The following XIRP2 variants were observed in gnomAD, a reference collection of about 807,000 sequenced individuals.
The protein encoded by XIRP2 is xin actin binding repeat containing 2.
A neutral mutation model predicts 277.0 loss-of-function variants in XIRP2; 236 were observed. The ratio of observed to expected loss-of-function variants is 0.85; its 90% confidence interval spans 0.77 to 0.95. The LOEUF is 0.95. Among genes scored for constraint, XIRP2 ranks in the 40% least tolerant of loss-of-function variants. The pLI is 0.00. For synonymous variants in XIRP2, 1,490 were observed against 1,416.5 expected, an observed-to-expected ratio of 1.05 and a Z score of -1.17; for missense variants, 4,640 against 4,157.5, an observed-to-expected ratio of 1.12 and a Z score of -3.19.
In XIRP2 at chr2:167,244,826, C is replaced by G. The variant is rs755757901; in HGVS notation, c.3434C>G (p.Thr1145Arg). ...GATACCATAAAAGATGACTCTGAAA[C>G]AGCAGTCAAATTGCAAACTGTAAAA... is the stretch of plus-strand genomic sequence containing the variant. ...PLDTIKDDSE[T>R]AVKLQTVKQE... The change falls in exon 9 of 11, where the codon ACA (threonine) becomes AGA (arginine). Residue 1145 changes from threonine to arginine, a missense_variant. Coordinates refer to ENST00000409195, the MANE Select transcript of XIRP2 (RefSeq NM_152381.6). 6.2e-7 allele frequency: 1 copy of G among 1,613,512 alleles called. No individual in the cohort carries two copies. Among genetic ancestry groups the G allele is most frequent in the Admixed American group, 1.7e-5 (1 of 59,958 alleles).
intron 2 of XIRP2, among the ~76,000 whole-genome samples, chr2:166,953,712 C>A (rs566769504): frequency 1.3e-5 from 2 of 151,796 alleles, no homozygotes; most frequent in Admixed American, 1.3e-4. Flanking sequence ...GAGCTACTAC[C>A]TCTGGTGCAC....
chr2:167,144,273 T>A (rs976550771), intron 3 of XIRP2, among the ~76,000 whole-genome samples: 2 of 152,118 alleles, frequency 1.3e-5, no homozygotes, highest in Non-Finnish European at 2.9e-5. Context: ...GCCATAAATA[T>A]GGAGATAGGG....
At chr2:166,925,076 G>GGCTATGCA (rs1685146609) in intron 2 of XIRP2, among the ~76,000 whole-genome samples, 1 of 151,944 alleles carries the variant, frequency 6.6e-6, no homozygotes, top group Non-Finnish European at 1.5e-5. Flanking sequence ...TGTGTTAAAA[G>GGCTATGCA]TATTTCAGGC....
intron 3 of XIRP2, among the ~76,000 whole-genome samples, chr2:167,155,436 T>C (rs1692162389): frequency 1.3e-5 from 2 of 152,104 alleles, no homozygotes; most frequent in East Asian, 3.9e-4. Context: ...GCAAGGCTGG[T>C]TCAATATATG....
At chr2:167,028,001 A>C (rs1688222573) in intron 2 of XIRP2, among the ~76,000 whole-genome samples, 1 of 152,080 alleles carries the variant, frequency 6.6e-6, no homozygotes, top group African/African-American at 2.4e-5. Context: ...AAATGGATAC[A>C]ACTCCTCTGG....
At chr2:167,087,622 A>G (rs547093452) in intron 2 of XIRP2, among the ~76,000 whole-genome samples, 12 of 152,324 alleles carry the variant, frequency 7.9e-5, no homozygotes, top group East Asian at 1.9e-4. Flanking sequence ...CCTCCGAGCC[A>G]GGTGCGGGAT....
intron 2 of XIRP2, among the ~76,000 whole-genome samples, chr2:167,076,526 C>A (rs1386383076): frequency 6.6e-6 from 1 of 152,024 alleles, no homozygotes; most frequent in African/African-American, 2.4e-5. Flanking sequence ...AAAATAAATG[C>A]AAAGTGGAGA....
chr2:167,215,982 C>T (rs376183201), intron 4 of XIRP2, among the ~76,000 whole-genome samples: 6 of 151,380 alleles, frequency 4.0e-5, no homozygotes, highest in African/African-American at 7.3e-5. Flanking sequence ...ACGCCGCATA[C>T]CTACAACTAT....
At chr2:166,982,394 C>T (rs1277108176) in intron 2 of XIRP2, among the ~76,000 whole-genome samples, 1 of 149,032 alleles carries the variant, frequency 6.7e-6, no homozygotes, top group Non-Finnish European at 1.5e-5. Context: ...ATTTTTCTTC[C>T]AATTTTTAAA....
At chr2:166,914,405 A>T (rs1465371846) in intron 2 of XIRP2, among the ~76,000 whole-genome samples, 1 of 152,056 alleles carries the variant, frequency 6.6e-6, no homozygotes, top group African/African-American at 2.4e-5. Context: ...CAGCAGTTTG[A>T]TCTCGGCTCA....
chr2:167,153,564 C>T (rs985052756), intron 3 of XIRP2, among the ~76,000 whole-genome samples: 2 of 151,910 alleles, frequency 1.3e-5, no homozygotes, highest in African/African-American at 4.8e-5. Flanking sequence ...CCCACTCCCC[C>T]CACCCCACAA....
chr2:166,906,566 G>T (rs1022177002), intron 2 of XIRP2, among the ~76,000 whole-genome samples: 2 of 151,922 alleles, frequency 1.3e-5, no homozygotes, highest in African/African-American at 4.8e-5. Flanking sequence ...GCAAACAAAG[G>T]GGAAATGTAC....
chr2:167,103,618 C>T (rs533998418), intron 2 of XIRP2, among the ~76,000 whole-genome samples: 2 of 152,222 alleles, frequency 1.3e-5, no homozygotes, highest in South Asian at 4.2e-4. Flanking sequence ...GTTATTTGAC[C>T]GGATGTTATT....
intron 2 of XIRP2, among the ~76,000 whole-genome samples, chr2:167,069,632 C>T (rs1689388798): frequency 6.6e-6 from 1 of 152,130 alleles, no homozygotes; most frequent in Non-Finnish European, 1.5e-5. Flanking sequence ...TCCCAAGCCC[C>T]TGCTGCCCCG....
At chr2:166,936,627 A>G (rs1043247275) in intron 2 of XIRP2, among the ~76,000 whole-genome samples, 5 of 152,252 alleles carry the variant, frequency 3.3e-5, no homozygotes, top group Non-Finnish European at 7.3e-5. Flanking sequence ...AGATTTCTAC[A>G]TATGGCTAGC....
At position 167,176,241 on chromosome 2, in the gene XIRP2, T is replaced by A. The variant is rs529516418; in HGVS notation, c.563-34494T>A. ...AGTTTCGTGCTTGAAACGAAGGGCC[T>A]TCTCTTGGCCAGGGGAGGGAGTTCT... On this transcript the variant is annotated intron_variant, in intron 3 of 10. Transcript: ENST00000409195. 2.0e-5 allele frequency among the ~76,000 whole-genome samples: 3 copies of A among 152,252 alleles called. No homozygotes were observed. In the East Asian group the frequency reaches 5.8e-4, roughly 29 times the overall value.
chr2:167,183,389 A>G (rs1165869601), intron 3 of XIRP2, among the ~76,000 whole-genome samples: 1 of 152,176 alleles, frequency 6.6e-6, no homozygotes, highest in Non-Finnish European at 1.5e-5. Flanking sequence ...ATATGATTCA[A>G]TAATATCATA....
At chr2:166,929,913 A>G (rs1310091821) in intron 2 of XIRP2, among the ~76,000 whole-genome samples, 1 of 152,152 alleles carries the variant, frequency 6.6e-6, no homozygotes, top group African/African-American at 2.4e-5. Context: ...ATATATGTAG[A>G]TAGCTCATCT....
intron 2 of XIRP2, among the ~76,000 whole-genome samples, chr2:167,006,757 C>A (rs1286693558): frequency 1.3e-5 from 2 of 151,664 alleles, no homozygotes; most frequent in African/African-American, 4.8e-5. Context: ...TTGTTAAAAT[C>A]CCAGCACACC....
Sources: gnomAD v4.1 joint callset for allele counts (sites outside exome capture counted in the v4.1 genomes callset) on GRCh38, gnomAD v4.1.1 for gene constraint, MANE v1.5 for transcripts, NCBI Gene and HGNC (gene_info 2026-07-23, HGNC 2026-07-21) for gene names.